The following EP300 variants were observed in gnomAD, a reference collection of about 807,000 sequenced individuals.
The protein encoded by EP300 is histone acetyltransferase p300.
EP300 carries 31 observed loss-of-function variants against 264.0 expected under a neutral mutation model. The observed-to-expected ratio is 0.12, with a 90% CI of 0.09 to 0.16. EP300 has a LOEUF of 0.16. Ranked by LOEUF, EP300 falls within the 10% of genes least tolerant of loss-of-function variation. The pLI, the probability that EP300 is intolerant of heterozygous loss-of-function variation, is 1.00. For missense variants in EP300, 2,766 were observed against 3,052.9 expected, an observed-to-expected ratio of 0.91 and a Z score of 2.21; for synonymous variants, 1,340 against 1,045.4, an observed-to-expected ratio of 1.28 and a Z score of -5.44.
chr22:41,133,671 A>AT (rs1453783672), intron 6 of EP300, among the ~76,000 whole-genome samples: 1 of 152,082 alleles, frequency 6.6e-6, no homozygotes, highest in Non-Finnish European at 1.5e-5. Context: ...CCATACTGCT[A>AT]TTTTTTACTT....
chr22:41,140,915 T>G, intron 9 of EP300, 133 bp from the exon 10 acceptor site: 1 of 828,168 alleles, frequency 1.2e-6, no homozygotes. Flanking sequence ...GAACTTTCCT[T>G]TCTAAATTGG....
In EP300 at chr22:41,141,050, G is replaced by A. The variant is rs1299332607; in HGVS notation, c.1881G>A (p.Ala627=). 1.2e-6 allele frequency: 2 copies of A among 1,613,496 alleles called. No individual in the cohort carries two copies. Among genetic ancestry groups the A allele is most frequent in the Non-Finnish European group, 1.7e-6 (2 of 1,179,830 alleles). ...ATTTTACTTCAACAATTCAAAAGGC[G>A]GAATACTACCACCTTCTAGCTGAGA... ...GDMYESANNR[A]EYYHLLAEKI... Residue 627 remains alanine, a splice_region_variant and synonymous_variant, in exon 10 of 31, where the codon GCG becomes GCA. Coordinates refer to ENST00000263253, the MANE Select transcript of EP300 (RefSeq NM_001429.4).
chr22:41,117,111 A>C (rs761912053), intron 1 of EP300, 76 bp from the exon 2 acceptor site: 18 of 1,244,224 alleles, frequency 1.4e-5, no homozygotes, highest in Non-Finnish European at 2.1e-5. Flanking sequence ...TTTAATGCTT[A>C]TTGAGAACAA....
chr22:41,103,240 G>C (rs913453758), intron 1 of EP300, among the ~76,000 whole-genome samples: 7 of 152,192 alleles, frequency 4.6e-5, no homozygotes, highest in Non-Finnish European at 8.8e-5. Flanking sequence ...TGTTACATTT[G>C]GGGCATTTTG....
intron 6 of EP300, among the ~76,000 whole-genome samples, chr22:41,135,011 G>A (rs187165362): frequency 3.3e-5 from 5 of 152,170 alleles, no homozygotes; most frequent in Admixed American, 6.5e-5. Context: ...GGGTTCAAGC[G>A]ATGCTCCTGC....
At chr22:41,169,863 T>C (rs2059160359) in intron 26 of EP300, among the ~76,000 whole-genome samples, 2 of 152,214 alleles carry the variant, frequency 1.3e-5, no homozygotes, top group African/African-American at 4.8e-5. Context: ...GGGTCCACTT[T>C]GCTTTGAAGT....
chr22:41,148,771 T>C, intron 12 of EP300: 1 of 516,696 alleles, frequency 1.9e-6, no homozygotes, highest in Non-Finnish European at 3.5e-6. Flanking sequence ...GGCATATTTG[T>C]GTACCAAGAG....
chr22:41,132,522 C>T (rs777605595), intron 6 of EP300, among the ~76,000 whole-genome samples: 3 of 151,998 alleles, frequency 2.0e-5, no homozygotes, highest in African/African-American at 4.8e-5. Context: ...CTCTTGACCT[C>T]GTGATCCACC....
At chr22:41,116,836 A>G (rs1364753027) in intron 1 of EP300, among the ~76,000 whole-genome samples, 1 of 152,184 alleles carries the variant, frequency 6.6e-6, no homozygotes, top group Non-Finnish European at 1.5e-5. Flanking sequence ...CAATGCAGAC[A>G]GATAGCTTCA....
At chr22:41,148,200 T>G (rs2059023479) in intron 12 of EP300, among the ~76,000 whole-genome samples, 1 of 152,136 alleles carries the variant, frequency 6.6e-6, no homozygotes, top group African/African-American at 2.4e-5. Flanking sequence ...ATGTCTGTCT[T>G]CCCTCCTCCA....
chr22:41,165,661 G>C (rs749646077), intron 22 of EP300, among the ~76,000 whole-genome samples: 1 of 152,198 alleles, frequency 6.6e-6, no homozygotes, highest in South Asian at 2.1e-4. Flanking sequence ...GACCTCAGGT[G>C]ATCCACCCAC....
At chr22:41,106,366 CTTT>C (rs964357785) in intron 1 of EP300, among the ~76,000 whole-genome samples, 1 of 152,138 alleles carries the variant, frequency 6.6e-6, no homozygotes, top group Non-Finnish European at 1.5e-5. Context: ...CAACTCCATT[CTTT>C]TTTTGTTTCA....
chr22:41,100,066 G>GA (rs1487161816), intron 1 of EP300, among the ~76,000 whole-genome samples: 1 of 151,858 alleles, frequency 6.6e-6, no homozygotes, highest in East Asian at 1.9e-4. Context: ...ACCATCTCTA[G>GA]AAAAAAAATT....
In EP300 at chr22:41,110,686, G is replaced by A. The variant is rs115335551; in HGVS notation, c.95-6501G>A. Among the ~76,000 whole-genome samples the A allele has an allele frequency of 7.6e-3, 1,158 of 152,174 alleles. 13 individuals carry two copies. The highest frequency in any genetic ancestry group is 0.027 in the African/African-American group (1,100 of 41,508). ...TCCAACGTACTAGGATTACAGGCGTGAGCCACCCTTCTGGCTGTCTTTTCC... is the reference window on the plus strand; with the variant it reads ...TCCAACGTACTAGGATTACAGGCGTAAGCCACCCTTCTGGCTGTCTTTTCC... On this transcript the variant is annotated intron_variant, in intron 1 of 30. Coordinates refer to ENST00000263253, the MANE Select transcript of EP300 (RefSeq NM_001429.4).
At chr22:41,126,349 C>T (rs1014347099) in intron 3 of EP300, 35 of 282,230 alleles carry the variant, frequency 1.2e-4, no homozygotes, top group Non-Finnish European at 1.9e-4. Flanking sequence ...GATACGAAAG[C>T]GGAACCTTTC....
intron 1 of EP300, among the ~76,000 whole-genome samples, chr22:41,102,110 T>A (rs1158636177): frequency 6.6e-6 from 1 of 151,916 alleles, no homozygotes; most frequent in Non-Finnish European, 1.5e-5. Flanking sequence ...AGCCATAATT[T>A]GAAGAATACT....
chr22:41,104,752 G>A (rs1299805817), intron 1 of EP300, among the ~76,000 whole-genome samples: 1 of 152,144 alleles, frequency 6.6e-6, no homozygotes, highest in Non-Finnish European at 1.5e-5. Context: ...GGGCGCAGTG[G>A]CCTACACCTG....
At chr22:41,112,539 C>A (rs187459955) in intron 1 of EP300, among the ~76,000 whole-genome samples, 1 of 152,054 alleles carries the variant, frequency 6.6e-6, no homozygotes, top group African/African-American at 2.4e-5. Context: ...GTTACTATGG[C>A]GAATGACAGT....
Position 41,164,048 on chromosome 22 carries a change from TC to T in EP300, c.3729-3del. The T allele has an allele frequency of 6.2e-7, 1 of 1,614,140 alleles. No homozygotes were observed. The highest frequency in any genetic ancestry group is 8.5e-7 in the Non-Finnish European group (1 of 1,179,980). On this transcript the variant is annotated splice_region_variant and splice_polypyrimidine_tract_variant and intron_variant, in intron 21 of 30. Coordinates refer to ENST00000263253, the MANE Select transcript of EP300 (RefSeq NM_001429.4). Reference sequence around the variant, plus strand: ...TTAATTTTGGAATTGGCTCTGCTCTTCCAGGTTTGTTGAATGTACAGAGTGC... The same window carrying T: ...TTAATTTTGGAATTGGCTCTGCTCTTCAGGTTTGTTGAATGTACAGAGTGC...
Sources: gnomAD v4.1 joint callset for allele counts (sites outside exome capture counted in the v4.1 genomes callset) on GRCh38, gnomAD v4.1.1 for gene constraint, MANE v1.5 for transcripts, NCBI Gene and HGNC (gene_info 2026-07-23, HGNC 2026-07-21) for gene names.